Variants in DIP2C observed in about 807,000 individuals in gnomAD.
The protein encoded by DIP2C is DIP2 acetate--CoA ligase C (putative), also known as disco-interacting protein 2 homolog C.
DIP2C carries 33 observed loss-of-function variants against 192.4 expected under a neutral mutation model. The ratio of observed to expected loss-of-function variants is 0.17; its 90% CI spans 0.13 to 0.23. The LOEUF is 0.23. Ranked by LOEUF, DIP2C falls within the 10% of genes least tolerant of loss-of-function variation. The probability of loss-of-function intolerance (pLI) is 1.00; values close to 1 mark genes in which losing one functional copy is unlikely to be tolerated. For synonymous variants in DIP2C, 979 were observed against 864.1 expected, an observed-to-expected ratio of 1.13 and a Z score of -2.33; for missense variants, 1,537 against 2,110.1, an observed-to-expected ratio of 0.73 and a Z score of 5.32.
intron 1 of DIP2C, among the ~76,000 whole-genome samples, chr10:602,808 C>T (rs1046938330): frequency 2.0e-5 from 3 of 152,264 alleles, no homozygotes; most frequent in East Asian, 3.9e-4. Flanking sequence ...ACCAGGGTGT[C>T]GATCCTTTTT....
At chr10:565,981 A>AC (rs1256797391) in intron 1 of DIP2C, among the ~76,000 whole-genome samples, 1 of 152,008 alleles carries the variant, frequency 6.6e-6, no homozygotes, top group Non-Finnish European at 1.5e-5. Flanking sequence ...AGCACCTTGG[A>AC]CTCCTGCAAA....
chr10:321,543 G>A (rs562204179), intron 31 of DIP2C, among the ~76,000 whole-genome samples: 3 of 130,766 alleles, frequency 2.3e-5, no homozygotes, highest in African/African-American at 8.6e-5. Flanking sequence ...GGGCTCCAGC[G>A]AGAGACCGGC....
intron 31 of DIP2C, among the ~76,000 whole-genome samples, chr10:311,996 C>G (rs1449904769): frequency 1.3e-5 from 2 of 152,144 alleles, no homozygotes; most frequent in African/African-American, 4.8e-5. Flanking sequence ...ATTCCAGGAA[C>G]AAAGGAGAGC....
chr10:412,677 C>G (rs1965265261), intron 8 of DIP2C, among the ~76,000 whole-genome samples: 1 of 152,136 alleles, frequency 6.6e-6, no homozygotes, highest in East Asian at 1.9e-4. Context: ...TCCCAGAGCC[C>G]CACCCTGAAA....
chr10:687,336 T>C (rs1831373009), intron 1 of DIP2C, among the ~76,000 whole-genome samples: 1 of 152,122 alleles, frequency 6.6e-6, no homozygotes, highest in African/African-American at 2.4e-5. Context: ...ACTACCCCCA[T>C]AAACTCAACC....
chr10:357,227 C>G (rs1220929172), intron 23 of DIP2C, among the ~76,000 whole-genome samples: 2 of 152,226 alleles, frequency 1.3e-5, no homozygotes, highest in African/African-American at 4.8e-5. Context: ...CGTGGACGCA[C>G]ACGGCACAAT....
At chr10:612,795 G>T (rs1387372020) in intron 1 of DIP2C, among the ~76,000 whole-genome samples, 2 of 152,132 alleles carry the variant, frequency 1.3e-5, no homozygotes, top group African/African-American at 4.8e-5. Context: ...CAAGAAATGA[G>T]ACAAATATTG....
intron 28 of DIP2C, among the ~76,000 whole-genome samples, 192 bp from the exon 29 acceptor site, chr10:341,521 C>T (rs1208386936): frequency 6.6e-6 from 1 of 151,292 alleles, no homozygotes; most frequent in Non-Finnish European, 1.5e-5. Flanking sequence ...CCCTCAGAAA[C>T]CCGGGACAAT....
At chr10:615,915 G>A (rs1853441426) in intron 1 of DIP2C, among the ~76,000 whole-genome samples, 1 of 152,166 alleles carries the variant, frequency 6.6e-6, no homozygotes. Context: ...TGATTCCTTT[G>A]TGCCTGTAGG....
At chr10:632,620 G>A (rs112100524) in intron 1 of DIP2C, among the ~76,000 whole-genome samples, 1 of 74,772 alleles carries the variant, frequency 1.3e-5, no homozygotes, top group Admixed American at 1.5e-4. Context: ...ACTCAGACCC[G>A]ACGGCCAGCA....
chr10:471,398 G>A (rs995614695), intron 3 of DIP2C, among the ~76,000 whole-genome samples: 3 of 152,144 alleles, frequency 2.0e-5, no homozygotes, highest in African/African-American at 4.8e-5. Flanking sequence ...ACACTCACAG[G>A]CTTCCTCGAC....
intron 3 of DIP2C, among the ~76,000 whole-genome samples, chr10:460,235 T>C (rs1451581411): frequency 6.6e-6 from 1 of 152,054 alleles, no homozygotes; most frequent in Non-Finnish European, 1.5e-5. Flanking sequence ...GAGTTGTTGG[T>C]TGGGGAAAAA....
At position 577,497 on chromosome 10, in the gene DIP2C, G is replaced by A. The variant is rs528901930; in HGVS notation, c.86-90967C>T. ...GAAGGTGGTAAGAGCTTCGCGAGTCGCAGAGCCTCGTATTCCTATTTAAAC... is the reference window on the plus strand; with the variant it reads ...GAAGGTGGTAAGAGCTTCGCGAGTCACAGAGCCTCGTATTCCTATTTAAAC... On this transcript the variant is annotated intron_variant, in intron 1 of 36. Coordinates refer to ENST00000280886, the MANE Select transcript of DIP2C (RefSeq NM_014974.3). 1.1e-4 allele frequency among the ~76,000 whole-genome samples: 16 copies of A among 152,300 alleles called. No individual in the cohort carries two copies. The South Asian group carries it at 1.9e-3, about 18-fold the overall frequency.
At position 580,294 on chromosome 10, in the gene DIP2C, T is replaced by C. The variant is rs549726854; in HGVS notation, c.86-93764A>G. On this transcript the variant is annotated intron_variant, in intron 1 of 36. Coordinates refer to ENST00000280886, the MANE Select transcript of DIP2C (RefSeq NM_014974.3). ...ACATAGTGTATGTACATATGCAGCATGCGTACATTAGTGTGCACATATCCA... is the reference window on the plus strand; with the variant it reads ...ACATAGTGTATGTACATATGCAGCACGCGTACATTAGTGTGCACATATCCA... Among the ~76,000 whole-genome samples, 5 of 152,278 alleles carry C rather than the reference T, an allele frequency of 3.3e-5. No individual in the cohort carries two copies. In the East Asian group the frequency reaches 9.6e-4, roughly 29 times the overall value.
chr10:447,623 C>T (rs1208651225), intron 3 of DIP2C, among the ~76,000 whole-genome samples: 3 of 136,766 alleles, frequency 2.2e-5, no homozygotes, highest in South Asian at 2.3e-4. Context: ...TCATCCCTGT[C>T]TATACTCAGG....
At chr10:655,173 T>C (rs1434179685) in intron 1 of DIP2C, among the ~76,000 whole-genome samples, 1 of 152,204 alleles carries the variant, frequency 6.6e-6, no homozygotes, top group Non-Finnish European at 1.5e-5. Context: ...CATCAGCTTC[T>C]ATGTAAAAGC....
At chr10:599,369 C>G (rs1306969689) in intron 1 of DIP2C, among the ~76,000 whole-genome samples, 8 of 152,176 alleles carry the variant, frequency 5.3e-5, no homozygotes, top group Admixed American at 3.3e-4. Flanking sequence ...AGAAACAAAT[C>G]CAGCAAGCAA....
At chr10:657,732 GCTGGACCTGACA>G (rs1316551701) in intron 1 of DIP2C, among the ~76,000 whole-genome samples, 24 of 98,180 alleles carry the variant, frequency 2.4e-4, no homozygotes, top group South Asian at 1.6e-3. Flanking sequence ...TGGACCTGCC[GCTGGACCTGACA>G]CTGGACCTGC....
intron 1 of DIP2C, among the ~76,000 whole-genome samples, chr10:529,763 C>T (rs1253067248): frequency 6.6e-6 from 1 of 152,056 alleles, no homozygotes; most frequent in East Asian, 1.9e-4. Flanking sequence ...TTCTCCCCTC[C>T]TGCTATGGAA....
Sources: gnomAD v4.1 joint callset for allele counts (sites outside exome capture counted in the v4.1 genomes callset) on GRCh38, gnomAD v4.1.1 for gene constraint, MANE v1.5 for transcripts, NCBI Gene and HGNC (gene_info 2026-07-23, HGNC 2026-07-21) for gene names.